FLG: variants seen among roughly 807,000 people sequenced by gnomAD.
FLG encodes filaggrin, also known as epidermal filaggrin.
A neutral mutation model predicts 3.8 loss-of-function variants in FLG; 6 were observed. The ratio of observed to expected loss-of-function variants is 1.60; its 90% confidence interval spans 0.87 to 3.15. FLG has a LOEUF of 3.15. Ranked by LOEUF, FLG falls within the 30% of genes most tolerant of loss-of-function variation. The pLI, the probability that FLG is intolerant of heterozygous loss-of-function variation, is 0.00. For synonymous variants in FLG, 2,551 were observed against 1,931.6 expected (o/e 1.32, Z -8.41); for missense variants, 7,595 against 5,050.9 (o/e 1.50, Z -15.27).
chr1:152,309,794 C>G lies in FLG; in HGVS notation c.5092G>C (p.Gly1698Arg), dbSNP rs746942219. The G allele has an allele frequency of 6.2e-7, 1 of 1,613,982 alleles. No individual in the cohort carries two copies. The highest frequency in any genetic ancestry group is 1.1e-5 in the South Asian group (1 of 91,054). The change falls in exon 3 of 3, where the codon GGG becomes CGG. Residue 1698 changes from glycine (G) to arginine (R), a missense_variant. Physicochemically the swap from Gly to Arg is moderately radical, Grantham distance 125. Coordinates refer to ENST00000368799, the MANE Select transcript of FLG (RefSeq NM_002016.2). ...ACTACAGATGAATCTTGTCTGCGCC[C>G]AGTGCCTGAGTCTGTGGAGCTGTCT... Reference protein sequence around the residue: ...SADSSTDSGTGRRQDSSVVGD... With the variant: ...SADSSTDSGTRRRQDSSVVGD...
In FLG at chr1:152,307,657, C is replaced by A. The variant is rs201701803; in HGVS notation, c.7229G>T (p.Arg2410Leu). 30 of 1,613,274 alleles carry A rather than the reference C, an allele frequency of 1.9e-5. No individual in the cohort carries two copies. The South Asian group carries it at 3.0e-4, about 16-fold the overall frequency. ...CACCTGGTAGAGGAAAGACCCTGAA[C>A]GTCCAGACCTTCCTGCTGACCGGCC... is the stretch of plus-strand genomic sequence containing the variant. ...TRGRSAGRSG[R>L]SGSFLYQVST... Residue 2410 changes from arginine (R) to leucine (L), a missense_variant, in exon 3 of 3, where the codon CGT (arginine) becomes CTT (leucine). By Grantham distance (102) the Arg-to-Leu change is moderately radical (BLOSUM62 -2). Coordinates refer to ENST00000368799, the MANE Select transcript of FLG (RefSeq NM_002016.2).
rs768713890 is a variant in FLG at position 152,310,344 on chromosome 1, G to A, written c.4542C>T (p.His1514=). 6 of 1,613,788 alleles carry A rather than the reference G, an allele frequency of 3.7e-6. No individual in the cohort carries two copies. The highest frequency in any genetic ancestry group is 4.2e-6 in the Non-Finnish European group (5 of 1,180,008). Residue 1514 remains histidine, a synonymous_variant, in exon 3 of 3, where the codon CAC becomes CAT. Coordinates refer to ENST00000368799, the MANE Select transcript of FLG (RefSeq NM_002016.2). ...TGGTGTGGCTGTGATGGTACCCTGA[G>A]TGTCCAGACCTATCTACTGATTGCT... is the stretch of plus-strand genomic sequence containing the variant. The part of the protein sequence containing the change: ...YHEQSVDRSG[H]SGYHHSHTTP...
Position 152,311,085 on chromosome 1 carries a change from T to A in FLG, c.3801A>T (p.Gly1267=). Residue 1267 remains glycine (G), a synonymous_variant, in exon 3 of 3, where the codon GGA becomes GGT. Coordinates refer to ENST00000368799, the MANE Select transcript of FLG (RefSeq NM_002016.2). ...TGTCACTGTCCTGGCTAACACTGGATCCCTGGTGCCTGCTTGTCCTGGACC... is the reference window on the plus strand; with the variant it reads ...TGTCACTGTCCTGGCTAACACTGGAACCCTGGTGCCTGCTTGTCCTGGACC... ...SSGSRTSRHQ[G]SSVSQDSDSE... 6.2e-7 allele frequency: 1 copy of A among 1,613,882 alleles called. No individual in the cohort carries two copies. Among genetic ancestry groups the A allele is most frequent in the Non-Finnish European group, 8.5e-7 (1 of 1,179,976 alleles).
In FLG at chr1:152,304,908, T is replaced by G. The variant is rs1472492129; in HGVS notation, c.9978A>C (p.Ala3326=). ...SGIPRGQASS[A]VRDSRHWGSS... is the part of the protein sequence containing the mutation. ...ACCCCCAGTGTCTACTGTCTCTGAC[T>G]GCAGATGAAGCTTGTCCACGCGGAA... is the stretch of plus-strand genomic sequence containing the variant. Residue 3326 remains alanine, a synonymous_variant, in exon 3 of 3, where the codon GCA becomes GCC. Transcript: ENST00000368799. 9.9e-6 allele frequency: 16 copies of G among 1,613,852 alleles called. No individual in the cohort carries two copies. Among genetic ancestry groups the G allele is most frequent in the Non-Finnish European group, 1.4e-5 (16 of 1,179,944 alleles).
In FLG at chr1:152,311,886, G is replaced by T; in HGVS notation, c.3000C>A (p.Asp1000Glu). The T allele has an allele frequency of 1.2e-6, 2 of 1,614,050 alleles. No individual in the cohort carries two copies. Among genetic ancestry groups the T allele is most frequent in the Non-Finnish European group, 1.7e-6 (2 of 1,180,028 alleles). ...GAGGAGTTCCTGATTGTCTGGAGCT[G>T]TCTGCAGAGTGCCCGTGACCGGCTC... is the stretch of plus-strand genomic sequence containing the variant. The part of the protein sequence containing the change: ...EDRAGHGHSA[D>E]SSRQSGTPHA... Residue 1000 changes from aspartate to glutamate, a missense_variant, in exon 3 of 3, where the codon GAC (aspartate) becomes GAA (glutamate). Physicochemically the swap from Asp to Glu is conservative, Grantham distance 45 (BLOSUM62 2). Coordinates refer to ENST00000368799, the MANE Select transcript of FLG (RefSeq NM_002016.2).
rs1473804460 is a variant in FLG at position 152,313,028 on chromosome 1, T to C, written c.1858A>G (p.Ser620Gly). 6.2e-7 allele frequency: 1 copy of C among 1,614,048 alleles called. No individual in the cohort carries two copies. Among genetic ancestry groups the C allele is most frequent in the South Asian group, 1.1e-5 (1 of 91,066 alleles). ...GPRTSRNQGSSVSQDSDSQGH... is the reference protein window; with the variant it reads ...GPRTSRNQGSGVSQDSDSQGH... ...TGACTGTCACTGTCCTGGCTAACACTGGATCCCTGGTTCCTACTTGTCCTG... is the reference window on the plus strand; with the variant it reads ...TGACTGTCACTGTCCTGGCTAACACCGGATCCCTGGTTCCTACTTGTCCTG... Residue 620 changes from serine to glycine, a missense_variant, in exon 3 of 3, where the codon AGT (serine) becomes GGT (glycine). Physicochemically the swap from Ser to Gly is moderately conservative, Grantham distance 56. Transcript: ENST00000368799.
chr1:152,303,313 C>G lies in FLG; in HGVS notation c.11573G>C (p.Arg3858Pro). Residue 3858 changes from arginine (R) to proline (P), a missense_variant, in exon 3 of 3, where the codon CGC becomes CCC. Coordinates refer to ENST00000368799, the MANE Select transcript of FLG (RefSeq NM_002016.2). ...GTCCTGGCTAACACTGGATCCCTGG[C>G]GCCTGCTTCTCCTGGACCCCGCTGA... ...GESAGSRRSR[R>P]QGSSVSQDSD... 2 of 1,613,986 alleles carry G rather than the reference C, an allele frequency of 1.2e-6. No individual in the cohort carries two copies. The highest frequency in any genetic ancestry group is 1.7e-6 in the Non-Finnish European group (2 of 1,179,994).
chr1:152,315,139 T>G (rs1652733320), intron 2 of FLG, among the ~76,000 whole-genome samples, 180 bp downstream of exon 2: 1 of 152,160 alleles, frequency 6.6e-6, no homozygotes, highest in Non-Finnish European at 1.5e-5. Flanking sequence ...AGGGTGTCTT[T>G]ATGTTTATAA....
Position 152,314,225 on chromosome 1 carries a change from C to T in FLG, c.661G>A (p.Gly221Arg), listed in dbSNP as rs370891418. Residue 221 changes from glycine to arginine, a missense_variant, in exon 3 of 3, where the codon GGA (glycine) becomes AGA (arginine). By Grantham distance (125) the Gly-to-Arg change is moderately radical. Transcript: ENST00000368799. ...EEGVYDYENT[G>R]RMTQKWIQSG... The stretch of plus-strand genomic sequence containing the variant: ...TGTATCCATTTTTGAGTCATTCTTC[C>T]TGTATTTTCATAATCATATACTCCT... 88 of 1,613,610 alleles carry T rather than the reference C, an allele frequency of 5.5e-5. No homozygotes were observed. The highest frequency in any genetic ancestry group is 1.5e-4 in the South Asian group (14 of 91,076).
rs200140094 is a variant in FLG, at chr1:152,308,511, G to A, written c.6375C>T (p.Ser2125=). 1.7e-5 allele frequency: 27 copies of A among 1,613,624 alleles called. No homozygotes were observed. In the Admixed American group the frequency reaches 1.8e-4, roughly 11 times the overall value. ...CCTCTTGGGATGCTGAGTGCCTGGA[G>A]CTGTCTTGTGCCTGATCATAATGGG... ...QGSHYDQAQD[S]SRHSASQEGQ... is the part of the protein sequence containing the mutation. Residue 2125 remains serine, a synonymous_variant, in exon 3 of 3, where the codon AGC becomes AGT. Coordinates refer to ENST00000368799, the MANE Select transcript of FLG (RefSeq NM_002016.2).
chr1:152,312,479 A>G lies in FLG; in HGVS notation c.2407T>C (p.Ser803Pro), dbSNP rs571501863. 2.8e-5 allele frequency: 45 copies of G among 1,613,042 alleles called. No individual in the cohort carries two copies. The East Asian group carries it at 9.4e-4, about 34-fold the overall frequency. The stretch of plus-strand genomic sequence containing the variant: ...CCTGTCCATCCATGGGAGGACTCAG[A>G]CTGTTTATGAGTGCTCACCTGGTAG... ...FLYQVSTHKQ[S>P]ESSHGWTGPS... The change falls in exon 3 of 3, where the codon TCT (serine) becomes CCT (proline). Residue 803 changes from serine to proline, a missense_variant. Coordinates refer to ENST00000368799, the MANE Select transcript of FLG (RefSeq NM_002016.2).
chr1:152,311,650 T>G lies in FLG; in HGVS notation c.3236A>C (p.Glu1079Ala), dbSNP rs910422214. The change falls in exon 3 of 3, where the codon GAG becomes GCG. Residue 1079 changes from glutamate to alanine, a missense_variant. Physicochemically the swap from Glu to Ala is moderately radical, Grantham distance 107. Coordinates refer to ENST00000368799, the MANE Select transcript of FLG (RefSeq NM_002016.2). ...SQASDSEGHS[E>A]ESDTQSVSGH... ...TGACACTGACTGTGTGTCTGACTCC[T>G]CTGAATGTCCCTCACTATCACTGGC... 6.2e-7 allele frequency: 1 copy of G among 1,614,030 alleles called. No individual in the cohort carries two copies. The highest frequency in any genetic ancestry group is 1.3e-5 in the African/African-American group (1 of 74,924).
chr1:152,311,260 C>A lies in FLG; in HGVS notation c.3626G>T (p.Gly1209Val). 1 of 1,613,742 alleles carries A rather than the reference C, an allele frequency of 6.2e-7. No homozygotes were observed. The highest frequency in any genetic ancestry group is 8.5e-7 in the Non-Finnish European group (1 of 1,179,932). Reference sequence around the variant, plus strand: ...GCTTGCACTTCTGGATCCTGACTGCCCATGGGAGGCATCAGACCTTCCCTG... The same window carrying A: ...GCTTGCACTTCTGGATCCTGACTGCACATGGGAGGCATCAGACCTTCCCTG... ...TSQGRSDASH[G>V]QSGSRSASRQ... Residue 1209 changes from glycine (G) to valine (V), a missense_variant, in exon 3 of 3, where the codon GGG (glycine) becomes GTG (valine). Gly to Val is a moderately radical substitution (Grantham distance 109). Coordinates refer to ENST00000368799, the MANE Select transcript of FLG (RefSeq NM_002016.2).
chr1:152,319,108 T>G (rs1315024509), intron 1 of FLG, among the ~76,000 whole-genome samples: 1 of 151,360 alleles, frequency 6.6e-6, no homozygotes, highest in African/African-American at 2.4e-5. Flanking sequence ...AAAGCAGGAG[T>G]AATACAACAT....
chr1:152,316,269 T>A (rs1257805271), intron 1 of FLG, among the ~76,000 whole-genome samples: 1 of 152,128 alleles, frequency 6.6e-6, no homozygotes, highest in East Asian at 1.9e-4. Flanking sequence ...GTTTGTTTGG[T>A]AAGAGGAATT....
In FLG at chr1:152,312,804, C is replaced by T. The variant is rs559153664; in HGVS notation, c.2082G>A (p.Ala694=). Residue 694 remains alanine (A), a synonymous_variant, in exon 3 of 3, where the codon GCG becomes GCA. Coordinates refer to ENST00000368799, the MANE Select transcript of FLG (RefSeq NM_002016.2). The part of the protein sequence containing the change: ...HTQNSSSGQA[A]SSHEQARSSA... ...TTGATCTTGCCTGTTCATGGGATGA[C>T]GCAGCCTGTCCACTAGAGGAATTCT... is the stretch of plus-strand genomic sequence containing the variant. 1.7e-4 allele frequency: 273 copies of T among 1,613,986 alleles called. No individual in the cohort carries two copies. The highest frequency in any genetic ancestry group is 2.9e-4 in the African/African-American group (22 of 74,942).
Position 152,310,532 on chromosome 1 carries a change from C to A in FLG, c.4354G>T (p.Glu1452Ter). 1 of 1,613,810 alleles carries A rather than the reference C, an allele frequency of 6.2e-7. No individual in the cohort carries two copies. Among genetic ancestry groups the A allele is most frequent in the African/African-American group, 1.3e-5 (1 of 74,960 alleles). Reference sequence around the variant, plus strand: ...GGTGCAGTCTGTCCGTGTGTGGACTCAGACTGTTCATGAGAGCTCACCTGG... The same window carrying A: ...GGTGCAGTCTGTCCGTGTGTGGACTAAGACTGTTCATGAGAGCTCACCTGG... ...LYQVSSHEQS[E>*]STHGQTAPST... Residue 1452 changes from glutamate (E) to a stop codon, truncating the protein, a stop_gained, in exon 3 of 3, where the codon GAG becomes TAG. Coordinates refer to ENST00000368799, the MANE Select transcript of FLG (RefSeq NM_002016.2). LOFTEE classifies it low-confidence loss of function (END_TRUNC).
chr1:152,309,050 C>T lies in FLG; in HGVS notation c.5836G>A (p.Ala1946Thr), dbSNP rs758157072. ...GAGCCATCTCTTGACTGCTCCCAAG[C>T]AGATCCAAGATGGTTTCTGGAAGCA... ...GSASRNHLGSAWEQSRDGSRH... is the reference protein window; with the variant it reads ...GSASRNHLGSTWEQSRDGSRH... The change falls in exon 3 of 3, where the codon GCT becomes ACT. Residue 1946 changes from alanine to threonine, a missense_variant. Coordinates refer to ENST00000368799, the MANE Select transcript of FLG (RefSeq NM_002016.2). 1 of 1,614,182 alleles carries T rather than the reference C, an allele frequency of 6.2e-7. No homozygotes were observed. Among genetic ancestry groups the T allele is most frequent in the South Asian group, 1.1e-5 (1 of 91,082 alleles).
In FLG at chr1:152,313,688, T is replaced by A; in HGVS notation, c.1198A>T (p.Thr400Ser). ...QSADSSRHSA[T>S]GRGQASSAVS... ...GCAGATGAAGCTTGCCCGCGCCCAGTGGCTGAGTGTCTGGAGCTGTCTGCT... is the reference window on the plus strand; with the variant it reads ...GCAGATGAAGCTTGCCCGCGCCCAGAGGCTGAGTGTCTGGAGCTGTCTGCT... The change falls in exon 3 of 3, where the codon ACT becomes TCT. Residue 400 changes from threonine to serine, a missense_variant. Transcript: ENST00000368799. 6.2e-7 allele frequency: 1 copy of A among 1,614,072 alleles called. No homozygotes were observed. The highest frequency in any genetic ancestry group is 8.5e-7 in the Non-Finnish European group (1 of 1,179,996).
Sources: gnomAD v4.1 joint callset for allele counts (sites outside exome capture counted in the v4.1 genomes callset) on GRCh38, gnomAD v4.1.1 for gene constraint, MANE v1.5 for transcripts, NCBI Gene and HGNC (gene_info 2026-07-23, HGNC 2026-07-21) for gene names.